SMIM36: variants seen among roughly 807,000 people sequenced by gnomAD.
The protein encoded by SMIM36 is small integral membrane protein 36.
At chr17:55,483,071 C>A (rs997751564) in intron 1 of SMIM36, among the ~76,000 whole-genome samples, 1 of 152,154 alleles carries the variant, frequency 6.6e-6, no homozygotes, top group Non-Finnish European at 1.5e-5. Context: ...TGCTATTATC[C>A]TTGCTTTTTA....
chr17:55,468,893 A>C (rs1363825493), intron 3 of SMIM36, among the ~76,000 whole-genome samples: 1 of 152,166 alleles, frequency 6.6e-6, no homozygotes, highest in Non-Finnish European at 1.5e-5. Context: ...AGAGAATGGC[A>C]CTTTTGATTT....
intron 3 of SMIM36, among the ~76,000 whole-genome samples, chr17:55,475,614 T>C (rs900582002): frequency 6.6e-6 from 1 of 152,180 alleles, no homozygotes; most frequent in African/African-American, 2.4e-5. Context: ...CCTAAATCAG[T>C]CTGGCTTGGT....
intron 2 of SMIM36, among the ~76,000 whole-genome samples, 171 bp from the exon 3 acceptor site, chr17:55,478,984 G>A (rs959630673): frequency 1.3e-5 from 2 of 152,174 alleles, no homozygotes; most frequent in African/African-American, 4.8e-5. Context: ...CTGTTTTCCT[G>A]TGGTTTCTTG....
chr17:55,498,999 C>CAAA (rs60117513), intron 1 of SMIM36, among the ~76,000 whole-genome samples: 21 of 67,018 alleles, frequency 3.1e-4, no homozygotes, highest in South Asian at 1.2e-3. Flanking sequence ...ACTCTGTCAC[C>CAAA]AAAAAAAAAA....
intron 1 of SMIM36, among the ~76,000 whole-genome samples, chr17:55,485,285 A>T (rs1909584973): frequency 6.6e-6 from 1 of 151,634 alleles, no homozygotes; most frequent in Non-Finnish European, 1.5e-5. Flanking sequence ...GAAAAGAAAC[A>T]TTTTCTCTCT....
intron 1 of SMIM36, among the ~76,000 whole-genome samples, chr17:55,503,229 C>T (rs1910023938): frequency 9.5e-6 from 1 of 104,922 alleles, no homozygotes; most frequent in Non-Finnish European, 1.9e-5. Context: ...GAGAATGCCA[C>T]AAAGATACTC....
chr17:55,463,001 C>G (rs2143243243), intron 4 of SMIM36, among the ~76,000 whole-genome samples: 1 of 152,228 alleles, frequency 6.6e-6, no homozygotes, highest in East Asian at 1.9e-4. Flanking sequence ...TTCATTTACC[C>G]AAGAACATTT....
intron 4 of SMIM36, among the ~76,000 whole-genome samples, chr17:55,456,072 C>A (rs141961801): frequency 7.0e-6 from 1 of 142,584 alleles, no homozygotes; most frequent in African/African-American, 2.7e-5. Flanking sequence ...GAGCCAAGAC[C>A]GCACCATTGC....
chr17:55,469,011 C>G (rs1909294258), intron 3 of SMIM36, among the ~76,000 whole-genome samples: 3 of 152,140 alleles, frequency 2.0e-5, no homozygotes, highest in Admixed American at 6.5e-5. Context: ...AGTCTCTGCT[C>G]CCAATGAGAC....
intron 1 of SMIM36, among the ~76,000 whole-genome samples, chr17:55,481,411 A>G (rs1399084935): frequency 1.3e-5 from 2 of 152,158 alleles, no homozygotes; most frequent in African/African-American, 4.8e-5. Context: ...AATTATATAT[A>G]CCAAGTAGAG....
At chr17:55,496,545 G>A (rs376545429) in intron 1 of SMIM36, among the ~76,000 whole-genome samples, 30 of 152,280 alleles carry the variant, frequency 2.0e-4, no homozygotes, top group African/African-American at 5.8e-4. Flanking sequence ...GTACAACAGA[G>A]GTAGATAATA....
intron 4 of SMIM36, among the ~76,000 whole-genome samples, chr17:55,462,381 C>A (rs1909161409): frequency 6.6e-6 from 1 of 152,096 alleles, no homozygotes; most frequent in Non-Finnish European, 1.5e-5. Context: ...GAGGCCAAGG[C>A]AGGAGGATCA....
intron 1 of SMIM36, among the ~76,000 whole-genome samples, 170 bp downstream of exon 1, chr17:55,510,709 G>GACACA (rs2144724895): frequency 6.6e-6 from 1 of 150,846 alleles, no homozygotes; most frequent in African/African-American, 2.4e-5. Context: ...ACGTGCACGT[G>GACACA]CACACACACA....
intron 1 of SMIM36, among the ~76,000 whole-genome samples, chr17:55,497,423 C>T (rs1166064838): frequency 1.3e-5 from 2 of 152,116 alleles, no homozygotes; most frequent in African/African-American, 4.8e-5. Context: ...CGCCACCACG[C>T]CCGGCTAATT....
chr17:55,529,799 A>ACAAG, the SMIM36 span, among the ~76,000 whole-genome samples: 1 of 151,438 alleles, frequency 6.6e-6, no homozygotes, highest in African/African-American at 2.5e-5. Flanking sequence ...CGAAAAACAA[A>ACAAG]CAAACAAAAA....
the SMIM36 span, chr17:55,527,856 A>G: frequency 1.3e-5 from 2 of 152,266 alleles, no homozygotes; most frequent in Admixed American, 1.3e-4. Flanking sequence ...GTCAGAAAGC[A>G]TTAAACTTAG....
At chr17:55,515,086 GTTTTTTT>G (rs1158864125), upstream of SMIM36, among the ~76,000 whole-genome samples, 2 of 54,100 alleles carry the variant, frequency 3.7e-5, no homozygotes, top group African/African-American at 1.0e-4. Flanking sequence ...CTAGTCTAGT[GTTTTTTT>G]TTTTTTTTTT....
chr17:55,525,923 G>T, the SMIM36 span, among the ~76,000 whole-genome samples: 1 of 152,114 alleles, frequency 6.6e-6, no homozygotes, highest in African/African-American at 2.4e-5. Context: ...TTCTCAAACT[G>T]CTGGGATTAC....
the SMIM36 span, among the ~76,000 whole-genome samples, chr17:55,532,011 C>T: frequency 6.6e-6 from 1 of 152,202 alleles, no homozygotes; most frequent in Non-Finnish European, 1.5e-5. Context: ...CTGGTCTGAG[C>T]CTGAATTTTA....
Sources: gnomAD v4.1 joint callset for allele counts (sites outside exome capture counted in the v4.1 genomes callset) on GRCh38, gnomAD v4.1.1 for gene constraint, MANE v1.5 for transcripts, NCBI Gene and HGNC (gene_info 2026-07-23, HGNC 2026-07-21) for gene names.